PDE1C: variants seen among roughly 807,000 people sequenced by gnomAD.
PDE1C encodes the protein dual specificity calcium/calmodulin-dependent 3',5'-cyclic nucleotide phosphodiesterase 1C.
In PDE1C, 62 loss-of-function variants were observed where a neutral mutation model predicts 93.1. The ratio of observed to expected loss-of-function variants is 0.67; its 90% CI spans 0.54 to 0.82. PDE1C has a LOEUF of 0.82. Ranked by LOEUF, PDE1C falls within the 40% of genes least tolerant of loss-of-function variation. The pLI is 0.00. For synonymous variants in PDE1C, 325 were observed against 310.1 expected (o/e 1.05, Z -0.50); for missense variants, 742 against 884.6 (o/e 0.84, Z 2.04).
chr7:32,158,547 C>A (rs561002953), intron 3 of PDE1C, among the ~76,000 whole-genome samples: 1 of 152,260 alleles, frequency 6.6e-6, no homozygotes, highest in South Asian at 2.1e-4. Context: ...TTGTTCCAAC[C>A]ATGTGGGAAA....
At chr7:32,317,363 G>A (rs564281346) in intron 1 of PDE1C, among the ~76,000 whole-genome samples, 1 of 152,108 alleles carries the variant, frequency 6.6e-6, no homozygotes, top group African/African-American at 2.4e-5. Flanking sequence ...AGATACTGAG[G>A]CCCAGCCCCA....
At chr7:32,267,584 ACACTCT>A (rs1177759836) in intron 1 of PDE1C, among the ~76,000 whole-genome samples, 1,616 of 113,016 alleles carry the variant, frequency 0.014, 33 homozygotes, top group African/African-American at 0.054. Flanking sequence ...ACACACACAC[ACACTCT>A]CTCTCTCTCT....
intron 3 of PDE1C, among the ~76,000 whole-genome samples, chr7:32,116,847 T>C (rs1046706446): frequency 2.6e-5 from 4 of 152,224 alleles, no homozygotes; most frequent in African/African-American, 7.2e-5. Context: ...TATAATCACA[T>C]GGTCATTTCT....
chr7:32,080,471 G>C (rs549978536), intron 3 of PDE1C, among the ~76,000 whole-genome samples: 2 of 152,292 alleles, frequency 1.3e-5, no homozygotes, highest in Non-Finnish European at 1.5e-5. Flanking sequence ...TGTTCTACTA[G>C]ACCTGAAGAT....
intron 1 of PDE1C, among the ~76,000 whole-genome samples, chr7:32,340,722 A>T (rs1783731287): frequency 6.6e-6 from 1 of 152,244 alleles, no homozygotes; most frequent in Non-Finnish European, 1.5e-5. Flanking sequence ...CATATTACTA[A>T]GTGAAAAAAG....
chr7:31,826,155 A>G (rs915531752), intron 12 of PDE1C, among the ~76,000 whole-genome samples: 26 of 152,194 alleles, frequency 1.7e-4, no homozygotes, highest in African/African-American at 5.5e-4. Flanking sequence ...AGGAAACTAA[A>G]TATCAACCAG....
chr7:31,820,483 T>C (rs756360473), intron 14 of PDE1C: 16 of 152,272 alleles, frequency 1.1e-4, no homozygotes, highest in South Asian at 2.1e-4. Flanking sequence ...CTAAGGGCTA[T>C]AAAAATATTT....
intron 1 of PDE1C, among the ~76,000 whole-genome samples, chr7:32,258,900 A>C (rs1395748784): frequency 6.6e-6 from 1 of 152,110 alleles, no homozygotes; most frequent in Non-Finnish European, 1.5e-5. Flanking sequence ...CAGTCTTCCC[A>C]TGTGTGACTT....
chr7:31,874,005 G>T (rs1160513016), intron 5 of PDE1C, among the ~76,000 whole-genome samples: 1 of 152,186 alleles, frequency 6.6e-6, no homozygotes, highest in East Asian at 1.9e-4. Context: ...CATGCATGAT[G>T]TAGAACACAA....
At chr7:32,164,271 A>G (rs1054017233) in intron 3 of PDE1C, among the ~76,000 whole-genome samples, 2 of 152,242 alleles carry the variant, frequency 1.3e-5, no homozygotes, top group Non-Finnish European at 1.5e-5. Context: ...CAAAAAGGGT[A>G]GGTGGATTGA....
At chr7:31,826,711 T>C (rs1028822673) in intron 12 of PDE1C, among the ~76,000 whole-genome samples, 10 of 152,320 alleles carry the variant, frequency 6.6e-5, no homozygotes, top group African/African-American at 2.4e-4. Context: ...TCATCATCTC[T>C]TCTTTGTAAT....
At chr7:32,330,133 C>A (rs887750344) in intron 1 of PDE1C, among the ~76,000 whole-genome samples, 1 of 152,222 alleles carries the variant, frequency 6.6e-6, no homozygotes, top group African/African-American at 2.4e-5. Flanking sequence ...ACATATGGCA[C>A]CCCCAGTCTG....
At chr7:32,325,838 A>G (rs1783393291) in intron 1 of PDE1C, among the ~76,000 whole-genome samples, 1 of 152,198 alleles carries the variant, frequency 6.6e-6, no homozygotes, top group Non-Finnish European at 1.5e-5. Flanking sequence ...ATGAGGAAAC[A>G]TTGGAGGGTT....
chr7:32,400,495 T>G (rs1219357062), intron 1 of PDE1C, among the ~76,000 whole-genome samples: 4 of 152,214 alleles, frequency 2.6e-5, no homozygotes, highest in Non-Finnish European at 5.9e-5. Flanking sequence ...AGAGTTACAA[T>G]GCACATTTCT....
At chr7:31,720,363 A>AT in the PDE1C span, among the ~76,000 whole-genome samples, 1 of 152,086 alleles carries the variant, frequency 6.6e-6, no homozygotes, top group Admixed American at 6.6e-5. Context: ...AAAGCACCGC[A>AT]CTAGGTAAGT....
At chr7:32,003,275 G>A (rs1468993595) in intron 2 of PDE1C, among the ~76,000 whole-genome samples, 1 of 152,164 alleles carries the variant, frequency 6.6e-6, no homozygotes, top group African/African-American at 2.4e-5. Context: ...GAATTGACAA[G>A]GGAAACTCTA....
chr7:32,315,586 T>A (rs1783152511), intron 1 of PDE1C, among the ~76,000 whole-genome samples: 1 of 152,210 alleles, frequency 6.6e-6, no homozygotes, highest in East Asian at 1.9e-4. Context: ...TCTTCTTATA[T>A]GTATCCTCCA....
chr7:31,879,204 C>A (rs1477023803), intron 3 of PDE1C, 26 bp from the exon 4 acceptor site: 4 of 1,596,196 alleles, frequency 2.5e-6, no homozygotes, highest in Non-Finnish European at 3.4e-6. Flanking sequence ...AGAATCAGCA[C>A]ACTGAGATTA....
intron 2 of PDE1C, among the ~76,000 whole-genome samples, chr7:32,186,634 T>G (rs1803903875): frequency 1.3e-5 from 2 of 152,164 alleles, no homozygotes; most frequent in Non-Finnish European, 2.9e-5. Context: ...ATTATATGGA[T>G]AGTTACATAA....
Sources: gnomAD v4.1 joint callset for allele counts (sites outside exome capture counted in the v4.1 genomes callset) on GRCh38, gnomAD v4.1.1 for gene constraint, MANE v1.5 for transcripts, NCBI Gene and HGNC (gene_info 2026-07-23, HGNC 2026-07-21) for gene names.